SGCD: variants seen among roughly 807,000 people sequenced by gnomAD.
SGCD encodes the protein delta-sarcoglycan.
A neutral mutation model predicts 36.6 loss-of-function variants in SGCD; 18 were observed. That is an observed-to-expected ratio of 0.49 (90% confidence interval 0.34 to 0.73). The LOEUF (loss-of-function observed/expected upper bound fraction) is 0.73, where lower values mean the gene tolerates loss of function less well. Ranked by LOEUF, SGCD falls within the 30% of genes least tolerant of loss-of-function variation. The pLI is 0.01. For missense variants in SGCD, 387 were observed against 346.7 expected (o/e 1.12, Z -0.92); for synonymous variants, 133 against 130.6 (o/e 1.02, Z -0.12).
chr5:156,010,372 G>C (rs1236063030), intron 1 of SGCD, among the ~76,000 whole-genome samples: 1 of 152,112 alleles, frequency 6.6e-6, no homozygotes, highest in Non-Finnish European at 1.5e-5. Flanking sequence ...GAATATGTCC[G>C]ATAGTTGTTA....
At chr5:155,835,886 C>T in the SGCD span, among the ~76,000 whole-genome samples, 1 of 152,154 alleles carries the variant, frequency 6.6e-6, no homozygotes, top group Non-Finnish European at 1.5e-5. Flanking sequence ...CGTTCCCTTC[C>T]ATCTTGCTCA....
intron 1 of SGCD, among the ~76,000 whole-genome samples, chr5:155,886,192 G>A (rs1248783780): frequency 1.3e-5 from 2 of 152,120 alleles, no homozygotes; most frequent in Non-Finnish European, 2.9e-5. Context: ...AAGAGGTAAC[G>A]TTGAAAAAAT....
At chr5:156,263,517 G>A (rs1011755799) in intron 3 of SGCD, among the ~76,000 whole-genome samples, 1 of 152,124 alleles carries the variant, frequency 6.6e-6, no homozygotes, top group Non-Finnish European at 1.5e-5. Context: ...TGCATAGGTT[G>A]TGAAGATTTT....
the SGCD span, among the ~76,000 whole-genome samples, chr5:155,795,882 TAA>T: frequency 6.6e-6 from 1 of 152,098 alleles, no homozygotes; most frequent in Non-Finnish European, 1.5e-5. Flanking sequence ...GCCAGATGCG[TAA>T]AGAGGAATAG....
rs140054649 is a variant in SGCD at position 156,381,108 on chromosome 5, G to A, written c.192+36431G>A. Among the ~76,000 whole-genome samples the A allele has an allele frequency of 1.7e-3, 256 of 152,280 alleles. 1 individual carries two copies. Among genetic ancestry groups the A allele is most frequent in the Middle Eastern group, 6.8e-3 (2 of 294 alleles). On this transcript the variant is annotated intron_variant, in intron 3 of 8. Transcript: ENST00000337851. ...ACATCTCAGGAAGAAATGAGTTGGAGGTATCAAAGGAAGCCAGGGTGGAGG... is the reference window on the plus strand; with the variant it reads ...ACATCTCAGGAAGAAATGAGTTGGAAGTATCAAAGGAAGCCAGGGTGGAGG...
intron 3 of SGCD, among the ~76,000 whole-genome samples, chr5:156,432,663 G>A (rs1408972009): frequency 6.6e-6 from 1 of 152,138 alleles, no homozygotes; most frequent in Non-Finnish European, 1.5e-5. Flanking sequence ...GGATAGGGGT[G>A]GTTTTCAGAC....
At chr5:156,429,205 G>C (rs1021883428) in intron 3 of SGCD, among the ~76,000 whole-genome samples, 6 of 150,296 alleles carry the variant, frequency 4.0e-5, no homozygotes, top group African/African-American at 1.2e-4. Context: ...TATATATTTA[G>C]GACTGTGATA....
the SGCD span, among the ~76,000 whole-genome samples, chr5:155,796,522 G>A: frequency 0.26 from 39,926 of 151,454 alleles, 5,908 homozygotes; most frequent in Admixed American, 0.46. Flanking sequence ...TCAATGATTC[G>A]GCCGGGCGCG....
At chr5:155,850,049 A>G in the SGCD span, among the ~76,000 whole-genome samples, 1 of 152,174 alleles carries the variant, frequency 6.6e-6, no homozygotes, top group Admixed American at 6.5e-5. Flanking sequence ...TGTTTGTTTA[A>G]TTGGTTGGTT....
chr5:156,546,952 C>A (rs1232337657), intron 4 of SGCD, among the ~76,000 whole-genome samples: 2 of 152,172 alleles, frequency 1.3e-5, no homozygotes, highest in African/African-American at 4.8e-5. Flanking sequence ...GGAAGTAATA[C>A]ACTGGATTTC....
At chr5:156,427,766 A>G (rs1773739684) in intron 3 of SGCD, among the ~76,000 whole-genome samples, 1 of 152,146 alleles carries the variant, frequency 6.6e-6, no homozygotes, top group Non-Finnish European at 1.5e-5. Context: ...GATTTTATTA[A>G]ATGCTTTTTC....
chr5:156,118,418 A>G (rs1022581001), intron 2 of SGCD, among the ~76,000 whole-genome samples: 2 of 152,154 alleles, frequency 1.3e-5, no homozygotes, highest in African/African-American at 4.8e-5. Context: ...CTGTATTTCT[A>G]GACAGCTAAA....
chr5:155,951,268 G>A (rs1229510434), intron 1 of SGCD, among the ~76,000 whole-genome samples: 1 of 152,094 alleles, frequency 6.6e-6, no homozygotes, highest in African/African-American at 2.4e-5. Context: ...ATAGCCCACA[G>A]CTGGAAATAT....
intron 1 of SGCD, among the ~76,000 whole-genome samples, chr5:155,940,183 C>A (rs1757293845): frequency 6.6e-6 from 1 of 152,180 alleles, no homozygotes; most frequent in East Asian, 1.9e-4. Context: ...AATCTTTCTT[C>A]AAAGCTCATT....
At chr5:156,581,638 C>A (rs1760260899) in intron 4 of SGCD, among the ~76,000 whole-genome samples, 1 of 152,196 alleles carries the variant, frequency 6.6e-6, no homozygotes, top group Non-Finnish European at 1.5e-5. Flanking sequence ...GTGGATGCCC[C>A]ACCCCCTGCC....
At chr5:156,233,422 G>C (rs1401366062) in intron 3 of SGCD, among the ~76,000 whole-genome samples, 1 of 152,204 alleles carries the variant, frequency 6.6e-6, no homozygotes, top group Non-Finnish European at 1.5e-5. Context: ...GACTAAATCT[G>C]TTTGATGAAC....
At chr5:155,919,971 CTT>C (rs1756834617) in intron 1 of SGCD, among the ~76,000 whole-genome samples, 2 of 152,246 alleles carry the variant, frequency 1.3e-5, no homozygotes, top group Non-Finnish European at 2.9e-5. Context: ...TGATTCTAGC[CTT>C]TCTCACAGGA....
At chr5:156,113,976 G>T (rs1461407997) in intron 1 of SGCD, among the ~76,000 whole-genome samples, 1 of 152,098 alleles carries the variant, frequency 6.6e-6, no homozygotes, top group African/African-American at 2.4e-5. Context: ...TTTGGAGATG[G>T]TAGTTGCTAG....
At chr5:156,141,749 A>G (rs539549003) in intron 3 of SGCD, among the ~76,000 whole-genome samples, 1 of 152,320 alleles carries the variant, frequency 6.6e-6, no homozygotes, top group Non-Finnish European at 1.5e-5. Context: ...GAAGGAACCC[A>G]TTTCTATATC....
Sources: gnomAD v4.1 joint callset for allele counts (sites outside exome capture counted in the v4.1 genomes callset) on GRCh38, gnomAD v4.1.1 for gene constraint, MANE v1.5 for transcripts, NCBI Gene and HGNC (gene_info 2026-07-23, HGNC 2026-07-21) for gene names.